The following KCTD1 variants were observed in gnomAD, a reference collection of about 807,000 sequenced individuals.
KCTD1 encodes the protein BTB/POZ domain-containing protein KCTD1.
A neutral mutation model predicts 66.0 loss-of-function variants in KCTD1; 24 were observed. That is an observed-to-expected ratio of 0.36 (90% CI 0.26 to 0.51). KCTD1 has a LOEUF of 0.51. Among genes scored for constraint, KCTD1 ranks in the 20% least tolerant of loss-of-function variants. The probability of loss-of-function intolerance (pLI) is 0.95; values close to 1 mark genes in which losing one functional copy is unlikely to be tolerated. For synonymous variants in KCTD1, 511 were observed against 517.2 expected (o/e 0.99, Z 0.16); for missense variants, 943 against 1,205.2 (o/e 0.78, Z 3.22).
intron 3 of KCTD1, among the ~76,000 whole-genome samples, chr18:26,462,490 A>G (rs1423031423): frequency 6.6e-6 from 1 of 152,196 alleles, no homozygotes; most frequent in Admixed American, 6.5e-5. Context: ...GATGACAGAG[A>G]ACAGCTGAGC....
chr18:26,652,614 A>G (rs767824464), intron 1 of KCTD1, among the ~76,000 whole-genome samples: 15 of 152,232 alleles, frequency 9.9e-5, no homozygotes, highest in Non-Finnish European at 2.1e-4. Context: ...AGACTTGGAT[A>G]AATGGAACCA....
At chr18:26,488,820 C>A (rs1226473218) in intron 2 of KCTD1, among the ~76,000 whole-genome samples, 1 of 152,230 alleles carries the variant, frequency 6.6e-6, no homozygotes, top group Non-Finnish European at 1.5e-5. Context: ...CACTCGGTAG[C>A]AGCAGGAAGC....
intron 1 of KCTD1, among the ~76,000 whole-genome samples, chr18:26,627,197 T>C (rs1328778903): frequency 6.6e-6 from 1 of 152,170 alleles, no homozygotes; most frequent in Non-Finnish European, 1.5e-5. Context: ...GCTTTTGATT[T>C]TTTTCTTATG....
In KCTD1 at chr18:26,476,791, G is replaced by A; in HGVS notation, c.1989-132C>T. The A allele has an allele frequency of 4.1e-6, 3 of 723,940 alleles. No homozygotes were observed. The highest frequency in any genetic ancestry group is 1.7e-5 in the South Asian group (1 of 58,194). The allele number at this position is 723,940 out of a possible 1,614,324, so 44.8% of individuals were successfully genotyped here. On this transcript the variant is annotated intron_variant, in intron 2 of 4. Transcript: ENST00000580059. This position sits in a 1 kb window ranked among gnomAD's most constrained non-coding sequence, Gnocchi z 4.9. ...CAGTAGGGAAAAATTACGATTGTCT[G>A]CAAAGTGTTGGTCCCCGCTTGATAA...
At chr18:26,519,513 G>A (rs1489001666) in intron 1 of KCTD1, among the ~76,000 whole-genome samples, 2 of 152,168 alleles carry the variant, frequency 1.3e-5, no homozygotes, top group African/African-American at 2.4e-5. Flanking sequence ...TAATAATAAC[G>A]ACACTTAACG....
upstream of KCTD1, among the ~76,000 whole-genome samples, chr18:26,640,683 G>T (rs555964074): frequency 7.2e-5 from 11 of 152,284 alleles, no homozygotes; most frequent in African/African-American, 2.6e-4. Context: ...AAATGTTCAG[G>T]ACAGGAGGAA....
chr18:26,653,772 GT>G (rs1028912033), intron 1 of KCTD1, among the ~76,000 whole-genome samples: 4 of 152,192 alleles, frequency 2.6e-5, no homozygotes, highest in African/African-American at 9.7e-5. Context: ...CATCTAGCAT[GT>G]TTTTATGAAT....
intron 1 of KCTD1, among the ~76,000 whole-genome samples, chr18:26,556,993 C>T (rs976877760): frequency 3.3e-5 from 5 of 152,164 alleles, no homozygotes; most frequent in Non-Finnish European, 7.3e-5. Flanking sequence ...TGGCAAACTC[C>T]GCCAAGCACC....
At chr18:26,464,476 A>G (rs897845686) in intron 3 of KCTD1, among the ~76,000 whole-genome samples, 5 of 152,332 alleles carry the variant, frequency 3.3e-5, no homozygotes, top group African/African-American at 1.2e-4. Context: ...TGCCATGCAA[A>G]GCATTGTATT....
rs1358854609 is a variant in KCTD1 at position 26,548,416 on chromosome 18, G to A, written c.121C>T (p.Arg41Cys). The A allele has an allele frequency of 3.5e-6, 5 of 1,426,158 alleles. No individual in the cohort carries two copies. The highest frequency in any genetic ancestry group is 4.6e-6 in the Non-Finnish European group (5 of 1,087,898). 88.3% of individuals were successfully genotyped at this position (1,426,158 alleles called of 1,614,324 possible). A position where few individuals can be genotyped will look rare whatever the true frequency, so the allele number is the denominator to read the frequency against. ...RGEGERGAGG[R>C]GRRHSRPHYC... ...TGCGGACGGCTGTGGCGGCGGCCGC[G>A]GCCCCCCGCGCCGCGCTCGCCCTCG... The change falls in exon 1 of 5, where the codon CGC becomes TGC. Residue 41 changes from arginine (R) to cysteine (C), a missense_variant. Transcript: ENST00000580059.
intron 1 of KCTD1, among the ~76,000 whole-genome samples, chr18:26,598,471 T>TACACACACACACACACACACAC (rs4041522): frequency 4.7e-5 from 7 of 149,668 alleles, no homozygotes; most frequent in African/African-American, 1.5e-4. Flanking sequence ...TCTCTTTTTT[T>TACACACACACACACACACACAC]ACACACACAC....
chr18:26,501,023 T>C (rs767214193), intron 2 of KCTD1, 49 bp downstream of exon 2: 1 of 1,587,022 alleles, frequency 6.3e-7, no homozygotes, highest in Non-Finnish European at 8.6e-7. Flanking sequence ...AAAAACAGGT[T>C]ACCAAATACA....
At chr18:26,458,166 G>A (rs1239800328) in intron 4 of KCTD1, 2 of 152,438 alleles carry the variant, frequency 1.3e-5, no homozygotes, top group African/African-American at 2.4e-5. Flanking sequence ...TCTCGTCCTC[G>A]GGAACCCTGC....
chr18:26,535,527 G>C (rs1984661235), intron 1 of KCTD1, among the ~76,000 whole-genome samples: 1 of 151,732 alleles, frequency 6.6e-6, no homozygotes, highest in East Asian at 1.9e-4. Flanking sequence ...TGTCTCGGGT[G>C]TACACTGACA....
rs137891615 is a variant in KCTD1 at position 26,560,478 on chromosome 18, C to A, written c.-15-59228G>T. Among the ~76,000 whole-genome samples the A allele has an allele frequency of 2.5e-4, 38 of 152,238 alleles. No individual in the cohort carries two copies. In the East Asian group the frequency reaches 6.9e-3, roughly 28 times the overall value. On this transcript the variant is annotated intron_variant, in intron 1 of 4. Transcript: ENST00000317932. ...TGCAAAAAATACTGATACCCAGATC[C>A]TTTTCCAAAAGAACCAGATCGATAG...
intron 1 of KCTD1, among the ~76,000 whole-genome samples, chr18:26,542,096 C>T (rs1253194260): frequency 6.6e-6 from 1 of 152,152 alleles, no homozygotes; most frequent in South Asian, 2.1e-4. Flanking sequence ...TCCTGCTCCT[C>T]TCTGCAGCAC....
intron 1 of KCTD1, among the ~76,000 whole-genome samples, chr18:26,511,530 G>A (rs1983330614): frequency 6.6e-6 from 1 of 152,202 alleles, no homozygotes; most frequent in South Asian, 2.1e-4. Context: ...AACAGCAAAG[G>A]TTGGCAATGA....
At chr18:26,463,757 G>A (rs1980570603) in intron 3 of KCTD1, among the ~76,000 whole-genome samples, 1 of 152,098 alleles carries the variant, frequency 6.6e-6, no homozygotes, top group South Asian at 2.1e-4. Context: ...GGCTGGTCTC[G>A]AACTTCTGAC....
At chr18:26,484,796 C>G (rs1981832160) in intron 2 of KCTD1, among the ~76,000 whole-genome samples, 1 of 152,114 alleles carries the variant, frequency 6.6e-6, no homozygotes, top group Non-Finnish European at 1.5e-5. Flanking sequence ...AGGCCTCCTG[C>G]TGGAGGCAAT....
Sources: gnomAD v4.1 joint callset for allele counts (sites outside exome capture counted in the v4.1 genomes callset) on GRCh38, gnomAD v4.1.1 for gene constraint, Gnocchi (gnomAD v3.1) non-coding constraint, MANE v1.5 for transcripts, NCBI Gene and HGNC (gene_info 2026-07-23, HGNC 2026-07-21) for gene names.